The following MBOAT1 variants were observed in gnomAD, a reference collection of about 807,000 sequenced individuals.
MBOAT1 encodes membrane-bound glycerophospholipid O-acyltransferase 1.
A neutral mutation model predicts 64.4 loss-of-function variants in MBOAT1; 67 were observed. That is an observed-to-expected ratio of 1.04 (90% confidence interval 0.85 to 1.27). The LOEUF is 1.27. MBOAT1 is among the 50% of genes most tolerant of loss of function. The pLI, the probability that MBOAT1 is intolerant of heterozygous loss-of-function variation, is 0.00. For synonymous variants in MBOAT1, 229 were observed against 218.9 expected (o/e 1.05, Z -0.41); for missense variants, 563 against 604.6 (o/e 0.93, Z 0.72).
chr6:20,102,269 C>G lies in MBOAT1; in HGVS notation c.*17G>C. 6.2e-7 allele frequency: 1 copy of G among 1,609,814 alleles called. No individual in the cohort carries two copies. Among genetic ancestry groups the G allele is most frequent in the African/African-American group, 1.3e-5 (1 of 74,778 alleles). ...GAACGTTCTGCAGTTTTGCTTGTTC[C>G]GCTTCTCTTGGAGGTATCAATCTGT... On this transcript the variant is annotated 3_prime_UTR_variant, in exon 13 of 13. Transcript: ENST00000324607.
At chr6:20,135,711 A>T (rs1036546211) in intron 4 of MBOAT1, among the ~76,000 whole-genome samples, 1 of 152,146 alleles carries the variant, frequency 6.6e-6, no homozygotes, top group African/African-American at 2.4e-5. Context: ...TGTTCTCCCA[A>T]CAGGTAATTT....
chr6:20,135,635 G>A (rs1302358604), intron 4 of MBOAT1, among the ~76,000 whole-genome samples: 2 of 152,118 alleles, frequency 1.3e-5, no homozygotes, highest in African/African-American at 2.4e-5. Flanking sequence ...TATTGGTGTC[G>A]GAAGAGCCAA....
chr6:20,126,718 A>G lies in MBOAT1; in HGVS notation c.531-18T>C. On this transcript the variant is annotated intron_variant, in intron 6 of 12. Transcript: ENST00000324607. ...GTTTCACTCTGTGAAAATAAAGTAA[A>G]TAAATTGAAAAGTCTTCAGTCTTTG... 1 of 1,570,010 alleles carries G rather than the reference A, an allele frequency of 6.4e-7. No homozygotes were observed. The highest frequency in any genetic ancestry group is 1.2e-5 in the South Asian group (1 of 86,332).
At chr6:20,154,582 C>T (rs959716429) in intron 1 of MBOAT1, among the ~76,000 whole-genome samples, 2 of 152,034 alleles carry the variant, frequency 1.3e-5, no homozygotes, top group Admixed American at 6.6e-5. Context: ...GAAAAGTTGA[C>T]CTTATTGAAT....
intron 5 of MBOAT1, 91 bp from the exon 6 acceptor site, chr6:20,128,844 G>T (rs779997507): frequency 1.4e-4 from 122 of 878,972 alleles, no homozygotes; most frequent in Non-Finnish European, 1.8e-4. Flanking sequence ...ATTTGAACCA[G>T]GTAATCTTTG....
At chr6:20,129,342 A>G (rs1581409166) in intron 5 of MBOAT1, among the ~76,000 whole-genome samples, 1 of 152,378 alleles carries the variant, frequency 6.6e-6, no homozygotes, top group Admixed American at 6.5e-5. Flanking sequence ...TCCGAATCAG[A>G]AAAACTCCCA....
intron 1 of MBOAT1, among the ~76,000 whole-genome samples, chr6:20,206,919 C>A (rs1042759681): frequency 9.2e-5 from 14 of 152,284 alleles, no homozygotes; most frequent in African/African-American, 2.9e-4. Flanking sequence ...TTCCTCTGCA[C>A]CTGCCCTCCA....
intron 1 of MBOAT1, among the ~76,000 whole-genome samples, chr6:20,160,841 C>T (rs956716046): frequency 3.9e-5 from 6 of 152,228 alleles, no homozygotes; most frequent in Admixed American, 2.6e-4. Flanking sequence ...TTTCATTCCA[C>T]ACTCCTCAGA....
chr6:20,104,228 A>G (rs967415741), intron 12 of MBOAT1, among the ~76,000 whole-genome samples: 1 of 152,200 alleles, frequency 6.6e-6, no homozygotes, highest in Non-Finnish European at 1.5e-5. Context: ...CAACAATGAA[A>G]TTGCCTAATG....
intron 1 of MBOAT1, among the ~76,000 whole-genome samples, chr6:20,175,422 T>G (rs1462499604): frequency 6.6e-6 from 1 of 151,256 alleles, no homozygotes; most frequent in African/African-American, 2.4e-5. Flanking sequence ...CTGAACCCAA[T>G]TTGTCCTTTA....
chr6:20,140,085 A>G (rs1186654698), intron 4 of MBOAT1, among the ~76,000 whole-genome samples: 1 of 152,150 alleles, frequency 6.6e-6, no homozygotes, highest in Non-Finnish European at 1.5e-5. Flanking sequence ...CCCCAGGGTC[A>G]TTCCCTCTAG....
chr6:20,117,948 C>T (rs1008030294), intron 9 of MBOAT1, among the ~76,000 whole-genome samples: 1 of 152,128 alleles, frequency 6.6e-6, no homozygotes, highest in Non-Finnish European at 1.5e-5. Context: ...GAGAGAAAAA[C>T]CACACTATTC....
Position 20,185,253 on chromosome 6 carries a change from C to T in MBOAT1, c.99+26883G>A, listed in dbSNP as rs922280283. Among the ~76,000 whole-genome samples the T allele has an allele frequency of 5.3e-5, 8 of 152,036 alleles. No homozygotes were observed. In the East Asian group the frequency reaches 1.3e-3, roughly 26 times the overall value. Reference sequence around the variant, plus strand: ...TGACAGTGACAGAGCAAGACCCTGACAATCAATCAATCAATCAATAGCAAA... The same window carrying T: ...TGACAGTGACAGAGCAAGACCCTGATAATCAATCAATCAATCAATAGCAAA... On this transcript the variant is annotated intron_variant, in intron 1 of 12. Coordinates refer to ENST00000324607, the MANE Select transcript of MBOAT1 (RefSeq NM_001080480.3).
chr6:20,192,936 A>G (rs569779549), intron 1 of MBOAT1, among the ~76,000 whole-genome samples: 10 of 150,642 alleles, frequency 6.6e-5, no homozygotes, highest in South Asian at 4.2e-4. Context: ...CCAAACATCA[A>G]TTACACAACC....
At chr6:20,117,598 G>A (rs1016742326) in intron 9 of MBOAT1, among the ~76,000 whole-genome samples, 7 of 152,180 alleles carry the variant, frequency 4.6e-5, no homozygotes, top group African/African-American at 1.4e-4. Flanking sequence ...TCCACCCAAC[G>A]TGGGTGGCAG....
intron 1 of MBOAT1, among the ~76,000 whole-genome samples, chr6:20,210,887 G>A (rs1230522059): frequency 6.6e-6 from 1 of 152,094 alleles, no homozygotes; most frequent in Non-Finnish European, 1.5e-5. Context: ...ATTCAGCTAT[G>A]AGTTTTATTT....
chr6:20,169,636 A>G (rs1316001007), intron 1 of MBOAT1, among the ~76,000 whole-genome samples: 1 of 151,934 alleles, frequency 6.6e-6, no homozygotes, highest in Non-Finnish European at 1.5e-5. Context: ...AAAGAAAAAG[A>G]AAAAACCTTA....
chr6:20,203,337 T>C (rs1404214427), intron 1 of MBOAT1, among the ~76,000 whole-genome samples: 1 of 150,466 alleles, frequency 6.6e-6, no homozygotes, highest in Non-Finnish European at 1.5e-5. Flanking sequence ...TAACTGGAGG[T>C]GATGAGTATA....
chr6:20,137,947 T>C (rs1761046955), intron 4 of MBOAT1, among the ~76,000 whole-genome samples: 1 of 152,232 alleles, frequency 6.6e-6, no homozygotes, highest in Non-Finnish European at 1.5e-5. Flanking sequence ...AACAAGATAT[T>C]TCAACTGCAA....
Sources: allele counts gnomAD v4.1 joint callset (sites outside exome capture counted in the v4.1 genomes callset), GRCh38; gene constraint gnomAD v4.1.1; transcripts MANE v1.5; gene names NCBI Gene and HGNC (gene_info 2026-07-23, HGNC 2026-07-21).